The following CYREN variants were observed in gnomAD, a reference collection of about 807,000 sequenced individuals.
The protein encoded by CYREN is cell cycle regulator of non-homologous end joining.
Under a neutral mutation model 9.7 loss-of-function variants are expected in CYREN, and 7 were observed. The ratio of observed to expected loss-of-function variants is 0.72; its 90% CI spans 0.41 to 1.36. The LOEUF is 1.36. Ranked by LOEUF, CYREN falls within the 40% of genes most tolerant of loss-of-function variation. The pLI, the probability that CYREN is intolerant of heterozygous loss-of-function variation, is 0.01. For missense variants in CYREN, 215 were observed against 198.1 expected, an observed-to-expected ratio of 1.09 and a Z score of -0.51; for synonymous variants, 76 against 77.9, an observed-to-expected ratio of 0.98 and a Z score of 0.13.
intron 2 of CYREN, among the ~76,000 whole-genome samples, chr7:135,146,164 C>T (rs1482812717): frequency 6.6e-6 from 1 of 152,120 alleles, no homozygotes. Flanking sequence ...TATTGTGTCT[C>T]AGGAATAGGG....
chr7:135,096,195 T>C (rs1358328076), intron 2 of CYREN, among the ~76,000 whole-genome samples: 13 of 152,016 alleles, frequency 8.6e-5, no homozygotes, highest in Admixed American at 1.3e-4. Flanking sequence ...GAGTTAACTG[T>C]TTTGCTTACA....
chr7:135,148,934 T>G (rs1421229365), intron 2 of CYREN, among the ~76,000 whole-genome samples: 4 of 152,172 alleles, frequency 2.6e-5, no homozygotes, highest in Non-Finnish European at 5.9e-5. Context: ...CCACTATGCT[T>G]CTTCGCCTAT....
chr7:135,094,023 A>C (rs1822266640), exon 3 of CYREN: 1 of 187,632 alleles, frequency 5.3e-6, no homozygotes, highest in Non-Finnish European at 1.1e-5. Context: ...AGCAAATGGT[A>C]CTGGGACAAC....
intron 2 of CYREN, among the ~76,000 whole-genome samples, chr7:135,158,207 G>C (rs1272234623): frequency 6.6e-6 from 1 of 152,102 alleles, no homozygotes; most frequent in Non-Finnish European, 1.5e-5. Context: ...GCATGGGCAA[G>C]AAGCTGTAGG....
chr7:135,135,272 T>C (rs1829293985), intron 2 of CYREN: 1 of 1,491,536 alleles, frequency 6.7e-7, no homozygotes, highest in Non-Finnish European at 8.9e-7. Context: ...TCTAGCTTTA[T>C]ACTGCTCTGA....
intron 2 of CYREN, among the ~76,000 whole-genome samples, chr7:135,159,440 CTTAAA>C (rs1829874396): frequency 6.6e-6 from 1 of 152,316 alleles, no homozygotes; most frequent in Non-Finnish European, 1.5e-5. Flanking sequence ...AAAAAGCTGC[CTTAAA>C]TTAATCTCCT....
intron 2 of CYREN, among the ~76,000 whole-genome samples, chr7:135,145,828 A>C (rs1036699310): frequency 6.6e-6 from 1 of 152,138 alleles, no homozygotes; most frequent in Non-Finnish European, 1.5e-5. Context: ...AAATCACACG[A>C]ATTTCTGGTT....
At chr7:135,150,934 G>A (rs199920506) in intron 2 of CYREN, among the ~76,000 whole-genome samples, 8 of 152,150 alleles carry the variant, frequency 5.3e-5, no homozygotes, top group Non-Finnish European at 1.0e-4. Context: ...TAAACTTTTT[G>A]TAATCTTTGT....
At chr7:135,134,415 G>A (rs10228880) in intron 2 of CYREN, among the ~76,000 whole-genome samples, 2,889 of 151,966 alleles carry the variant, frequency 0.019, 103 homozygotes, top group African/African-American at 0.065. Context: ...TTAGACTCAC[G>A]TTGATTTTTT....
chr7:135,164,617 C>T, downstream of CYREN: 2 of 1,614,200 alleles, frequency 1.2e-6, no homozygotes, highest in South Asian at 2.2e-5. Flanking sequence ...AATGAGGACA[C>T]CAGCACCCTA....
intron 2 of CYREN, chr7:135,129,406 A>G: frequency 1.2e-6 from 1 of 809,158 alleles, no homozygotes; most frequent in Admixed American, 1.7e-5. Context: ...CAAAGGTATG[A>G]TAAGAGGGTG....
downstream of CYREN, among the ~76,000 whole-genome samples, chr7:135,164,245 G>A (rs1464496543): frequency 2.6e-5 from 4 of 152,192 alleles, no homozygotes; most frequent in Non-Finnish European, 5.9e-5. Flanking sequence ...TGACTTATTT[G>A]CAAATAGGTC....
chr7:135,129,260 C>A, intron 2 of CYREN: 1 of 1,527,924 alleles, frequency 6.5e-7, no homozygotes, highest in South Asian at 1.1e-5. Flanking sequence ...TCTGCTCCAG[C>A]TGCAATTTTG....
intron 2 of CYREN, among the ~76,000 whole-genome samples, chr7:135,144,937 G>GAAAAAAAA (rs1562919150): frequency 1.9e-3 from 4 of 2,076 alleles, no homozygotes; most frequent in East Asian, 0.01. Flanking sequence ...TCTCAAAAGA[G>GAAAAAAAA]TAAAAAAAAA....
At chr7:135,092,789 A>G (rs1822048185) in exon 3 of CYREN, 1 of 152,160 alleles carries the variant, frequency 6.6e-6, no homozygotes, top group Admixed American at 6.5e-5. Context: ...AGTAAGAGAA[A>G]ATACTAGCAA....
At position 135,132,776 on chromosome 7, in the gene CYREN, G is replaced by A. The variant is rs144055427; in HGVS notation, n.356+35973C>T. 3.4e-3 allele frequency among the ~76,000 whole-genome samples: 512 copies of A among 152,144 alleles called. 2 individuals are homozygous for A. The highest frequency in any genetic ancestry group is 0.012 in the African/African-American group (480 of 41,482). ...TGACTTTGCTCCTCCTTTGCCTTCC[G>A]CCAAGATTGCGAGGCCTCCCCAGCC... On this transcript the variant is annotated intron_variant and non_coding_transcript_variant, in intron 2 of 2. Coordinates refer to the CYREN transcript ENST00000459937.
chr7:135,153,543 T>C (rs1355897781), intron 2 of CYREN, among the ~76,000 whole-genome samples: 3 of 151,924 alleles, frequency 2.0e-5, no homozygotes, highest in Admixed American at 6.6e-5. Context: ...TTATACATTG[T>C]TGGTGGGAAT....
At chr7:135,144,731 C>T (rs1053629020) in intron 2 of CYREN, among the ~76,000 whole-genome samples, 3 of 151,010 alleles carry the variant, frequency 2.0e-5, no homozygotes, top group South Asian at 4.2e-4. Flanking sequence ...GCCTGGGCAA[C>T]ATGGCAAAAC....
At chr7:135,168,651 A>G in intron 2 of CYREN, 135 bp downstream of exon 2, 1 of 1,366,074 alleles carries the variant, frequency 7.3e-7, no homozygotes, top group Non-Finnish European at 9.8e-7. Context: ...ACCTTCTAAA[A>G]GCTCAAGAGA....
Sources: gnomAD v4.1 joint callset for allele counts (sites outside exome capture counted in the v4.1 genomes callset) on GRCh38, gnomAD v4.1.1 for gene constraint, MANE v1.5 for transcripts, NCBI Gene and HGNC (gene_info 2026-07-23, HGNC 2026-07-21) for gene names.